The following CTNNA2 variants were observed in gnomAD, a reference collection of about 807,000 sequenced individuals.
CTNNA2 encodes catenin alpha 2, also known as catenin alpha-2.
CTNNA2 carries 42 observed loss-of-function variants against 101.0 expected under a neutral mutation model. The observed-to-expected ratio is 0.42, with a 90% confidence interval of 0.32 to 0.54. The LOEUF is 0.54. Among genes scored for constraint, CTNNA2 ranks in the 20% least tolerant of loss-of-function variants. The probability of loss-of-function intolerance (pLI) is 0.14; values close to 1 mark genes in which losing one functional copy is unlikely to be tolerated. For synonymous variants in CTNNA2, 450 were observed against 456.4 expected, an observed-to-expected ratio of 0.99 and a Z score of 0.18; for missense variants, 871 against 1,223.1, an observed-to-expected ratio of 0.71 and a Z score of 4.29.
intron 7 of CTNNA2, among the ~76,000 whole-genome samples, chr2:80,187,688 G>A (rs1185645303): frequency 6.6e-6 from 1 of 152,162 alleles, no homozygotes; most frequent in East Asian, 1.9e-4. Context: ...AGCAACATCC[G>A]TAGAGGAAGA....
intron 7 of CTNNA2, among the ~76,000 whole-genome samples, chr2:80,353,001 A>G (rs1464917186): frequency 2.0e-5 from 3 of 152,088 alleles, no homozygotes; most frequent in African/African-American, 7.2e-5. Flanking sequence ...TACATGTATC[A>G]GTGCTTGAGA....
chr2:79,318,856 C>T (rs1003277450), intron 3 of CTNNA2, among the ~76,000 whole-genome samples: 2 of 152,174 alleles, frequency 1.3e-5, no homozygotes, highest in African/African-American at 2.4e-5. Context: ...TTACCAACTC[C>T]TTTTCCAAGA....
intron 7 of CTNNA2, among the ~76,000 whole-genome samples, chr2:80,361,780 A>G (rs1371072733): frequency 1.3e-5 from 2 of 152,122 alleles, no homozygotes; most frequent in African/African-American, 4.8e-5. Context: ...CTTCCCCCCA[A>G]AACCTCTCCA....
intron 13 of CTNNA2, chr2:80,579,253 G>C (rs932921651): frequency 2.0e-5 from 3 of 152,120 alleles, no homozygotes; most frequent in African/African-American, 7.2e-5. Flanking sequence ...ATCATTATTA[G>C]CCTTATGCTG....
intron 2 of CTNNA2, among the ~76,000 whole-genome samples, chr2:79,287,950 A>T (rs1675662822): frequency 6.6e-6 from 1 of 152,146 alleles, no homozygotes; most frequent in African/African-American, 2.4e-5. Flanking sequence ...TAATCTCCTG[A>T]TGCGCTGTTT....
At chr2:80,477,628 A>G (rs547147688) in intron 9 of CTNNA2, among the ~76,000 whole-genome samples, 19 of 152,068 alleles carry the variant, frequency 1.2e-4, no homozygotes, top group Middle Eastern at 3.4e-3. Context: ...CTGCTTCTGC[A>G]TCACTTTATC....
intron 8 of CTNNA2, among the ~76,000 whole-genome samples, chr2:80,403,590 G>A (rs1678779458): frequency 6.6e-6 from 1 of 152,112 alleles, no homozygotes; most frequent in African/African-American, 2.4e-5. Flanking sequence ...TTTCCTTACT[G>A]CCTAATTATA....
Position 80,302,464 on chromosome 2 carries a change from A to G in CTNNA2, c.1057-90747A>G, listed in dbSNP as rs1415347876. The G allele has an allele frequency of 3.7e-6, 6 of 1,614,018 alleles. No individual in the cohort carries two copies. The highest frequency in any genetic ancestry group is 1.7e-5 in the Admixed American group (1 of 60,014). Reference sequence around the variant, plus strand: ...TGAGCTGCCTGAGGCTGGCTGGGAAACACTTCCAGGACACGTAGAGCACCA... The same window carrying G: ...TGAGCTGCCTGAGGCTGGCTGGGAAGCACTTCCAGGACACGTAGAGCACCA... On this transcript the variant is annotated intron_variant, in intron 7 of 18. Transcript: ENST00000402739. The surrounding 1 kb of genome is among the most constrained non-coding windows in gnomAD (Gnocchi z 6.4).
rs190331372 is a variant in CTNNA2, at chr2:80,029,929, T to C, written c.1056+120132T>C. 2.8e-4 allele frequency among the ~76,000 whole-genome samples: 42 copies of C among 152,150 alleles called. 1 individual carries two copies. In the East Asian group the frequency reaches 8.2e-3, roughly 30 times the overall value. On this transcript the variant is annotated intron_variant, in intron 7 of 18. Transcript: ENST00000402739. Reference sequence around the variant, plus strand: ...ATCGAGCTGGATAATGCTTCCATGATGCAAGCACCCACATTAGTGTGGGCC... The same window carrying C: ...ATCGAGCTGGATAATGCTTCCATGACGCAAGCACCCACATTAGTGTGGGCC...
chr2:80,582,019 C>T (rs1204257256), intron 14 of CTNNA2, among the ~76,000 whole-genome samples, 200 bp downstream of exon 14: 2 of 152,130 alleles, frequency 1.3e-5, no homozygotes, highest in African/African-American at 2.4e-5. Context: ...TCCTCTAACT[C>T]CTCTCTTTTG....
chr2:80,238,171 T>C (rs1330435265), intron 7 of CTNNA2, among the ~76,000 whole-genome samples: 1 of 151,982 alleles, frequency 6.6e-6, no homozygotes, highest in Non-Finnish European at 1.5e-5. Context: ...GAAATAAAAG[T>C]CCATTTATGA....
intron 8 of CTNNA2, among the ~76,000 whole-genome samples, chr2:80,417,746 C>A (rs1224938921): frequency 6.6e-6 from 1 of 151,938 alleles, no homozygotes; most frequent in Non-Finnish European, 1.5e-5. Flanking sequence ...ATTTTATAAG[C>A]ATATCTTTCT....
intron 2 of CTNNA2, among the ~76,000 whole-genome samples, chr2:79,230,607 T>C (rs1196638890): frequency 6.6e-6 from 1 of 152,134 alleles, no homozygotes; most frequent in Non-Finnish European, 1.5e-5. Context: ...ACAGAGTCCA[T>C]ACTGGGGCAC....
chr2:79,800,565 G>A (rs1443948291), intron 3 of CTNNA2, among the ~76,000 whole-genome samples: 1 of 152,160 alleles, frequency 6.6e-6, no homozygotes, highest in East Asian at 1.9e-4. Flanking sequence ...AAGATGACCG[G>A]TGTCTTGGGG....
At chr2:80,573,334 A>T (rs751866815) in intron 12 of CTNNA2, 3 of 152,186 alleles carry the variant, frequency 2.0e-5, no homozygotes, top group Non-Finnish European at 4.4e-5. Flanking sequence ...TGTGTGCAGG[A>T]TCCCTGTGAA....
intron 7 of CTNNA2, among the ~76,000 whole-genome samples, chr2:79,947,002 A>G (rs2104476945): frequency 6.6e-6 from 1 of 152,346 alleles, no homozygotes; most frequent in East Asian, 1.9e-4. Context: ...ATCCAGAATT[A>G]TACACACTAA....
exon 4 of CTNNA2, chr2:79,373,994 T>A (rs897826300): frequency 6.6e-6 from 1 of 152,166 alleles, no homozygotes; most frequent in African/African-American, 2.4e-5. Flanking sequence ...TCCATGAATG[T>A]CATCTGGCTG....
Position 80,078,801 on chromosome 2 carries a change from C to T in CTNNA2, c.1056+169004C>T, listed in dbSNP as rs566685084. Among the ~76,000 whole-genome samples, 179 of 152,258 alleles carry T rather than the reference C, an allele frequency of 1.2e-3. 1 individual carries two copies. The highest frequency in any genetic ancestry group is 6.0e-3 in the South Asian group (29 of 4,820). ...GGGCATTTGGTGCTCAGCCCTTACC[C>T]CCTATGTTTTGTGAAGCATATCTTA... On this transcript the variant is annotated intron_variant, in intron 7 of 18. Transcript: ENST00000402739.
chr2:80,561,892 T>A (rs1402823142), intron 12 of CTNNA2, among the ~76,000 whole-genome samples: 1 of 150,392 alleles, frequency 6.6e-6, no homozygotes, highest in Non-Finnish European at 1.5e-5. Context: ...GCCAGGCTGA[T>A]CTCAAACCCC....
Sources: gnomAD v4.1 joint callset for allele counts (sites outside exome capture counted in the v4.1 genomes callset) on GRCh38, gnomAD v4.1.1 for gene constraint, Gnocchi (gnomAD v3.1) non-coding constraint, MANE v1.5 for transcripts, NCBI Gene and HGNC (gene_info 2026-07-23, HGNC 2026-07-21) for gene names.